TAF1: variants seen among roughly 807,000 people sequenced by gnomAD.
TAF1 encodes the protein transcription initiation factor TFIID subunit 1.
Under a neutral mutation model 138.5 loss-of-function variants are expected in TAF1, and 2 were observed. The observed-to-expected ratio is 0.01, with a 90% CI of 0.01 to 0.05. The LOEUF (loss-of-function observed/expected upper bound fraction) is 0.05, where lower values mean the gene tolerates loss of function less well. TAF1 is among the 10% of genes least tolerant of loss of function. The pLI is 1.00. For missense variants in TAF1, 709 were observed against 1,478.0 expected, an observed-to-expected ratio of 0.48 and a Z score of 8.53; for synonymous variants, 437 against 503.2, an observed-to-expected ratio of 0.87 and a Z score of 1.76.
At chrX:71,494,047 A>G (rs1269210110) in intron 13 of TAF1, among the ~76,000 whole-genome samples, 1 of 111,766 alleles carries the variant, frequency 8.9e-6, no homozygotes, top group Non-Finnish European at 1.9e-5. Context: ...AGCTTGTCCA[A>G]TCCGCAGACC....
At position 71,462,787 on chromosome X, in the gene TAF1, TATC is replaced by T. The variant is rs2038607491; in HGVS notation, c.5400-1031_5400-1029del. On this transcript the variant is annotated intron_variant, in intron 37 of 37. Coordinates refer to ENST00000423759, the MANE Select transcript of TAF1 (RefSeq NM_004606.5). ...TGGTTTGGAGAGAGGCTTATTTATT[TATC>T]ATCATAAATAAAAACATTTAAAAAC... 9.0e-5 allele frequency among the ~76,000 whole-genome samples: 10 copies of T among 111,342 alleles called. No homozygotes were observed. The South Asian group carries it at 3.4e-3, about 38-fold the overall frequency.
downstream of TAF1, among the ~76,000 whole-genome samples, chrX:71,470,340 G>A (rs2038859457): frequency 9.0e-6 from 1 of 110,879 alleles, no homozygotes; most frequent in Non-Finnish European, 1.9e-5. Flanking sequence ...AATGAAAATT[G>A]TTTCAGTAAT....
At chrX:71,523,180 C>CA (rs754302629) in intron 13 of TAF1, among the ~76,000 whole-genome samples, 579 of 15,261 alleles carry the variant, frequency 0.038, 32 homozygotes, top group Non-Finnish European at 0.044. Flanking sequence ...GACTCCCTCT[C>CA]AAAAAAAAAA....
chrX:71,452,605 G>C (rs977121494), intron 32 of TAF1, among the ~76,000 whole-genome samples: 7 of 104,397 alleles, frequency 6.7e-5, no homozygotes, highest in South Asian at 8.7e-4. Context: ...GGGCTCCTCA[G>C]ATCCCAGACG....
Position 71,456,768 on chromosome X carries a change from C to T in TAF1, c.4939-1473C>T, listed in dbSNP as rs761036483. 5.1e-5 allele frequency among the ~76,000 whole-genome samples: 5 copies of T among 98,607 alleles called. No homozygotes were observed. The East Asian group carries it at 9.9e-4, about 20-fold the overall frequency. The allele number at this position is 98,607 out of a possible 115,157, so 85.6% of individuals were successfully genotyped here. On this transcript the variant is annotated intron_variant, in intron 34 of 37. Transcript: ENST00000423759. ...TCGGCTCACTGCAACCTTCGCCTCC[C>T]GGGTTCAAGTGATTCTCCTGCCTCA...
chrX:71,507,308 G>A (rs951704285), intron 13 of TAF1, among the ~76,000 whole-genome samples: 2 of 111,600 alleles, frequency 1.8e-5, no homozygotes, highest in African/African-American at 6.5e-5. Context: ...AGGGCTCACT[G>A]CAGCCTCAGC....
Position 71,389,518 on chromosome X carries a change from T to TA in TAF1, c.2701-57dup, listed in dbSNP as rs151185299. On this transcript the variant is annotated intron_variant, in intron 17 of 37. Transcript: ENST00000423759. ...TTTGGTATTCTGTACTTGTATTCAG[T>TA]AAAAAAAAAACTTGTGCTTTGTGTT... The TA allele has an allele frequency of 0.083, 58,648 of 706,107 alleles. 207 individuals carry two copies. The highest frequency in any genetic ancestry group is 0.095 in the Non-Finnish European group (47,953 of 506,230). 58.2% of individuals were successfully genotyped at this position (706,107 alleles called of 1,213,427 possible).
At chrX:71,518,700 T>C (rs1452723626) in intron 13 of TAF1, among the ~76,000 whole-genome samples, 1 of 95,119 alleles carries the variant, frequency 1.1e-5, no homozygotes. Flanking sequence ...TTCTTTTTTT[T>C]TTTTTTTTTT....
intron 3 of TAF1, among the ~76,000 whole-genome samples, chrX:71,370,902 G>A (rs1602436490): frequency 8.9e-6 from 1 of 112,000 alleles, no homozygotes; most frequent in East Asian, 2.8e-4. Context: ...TGGGGAAGAT[G>A]ATGTGAACAA....
At chrX:71,407,794 G>A in intron 27 of TAF1, 122 bp downstream of exon 27, 1 of 962,809 alleles carries the variant, frequency 1.0e-6, no homozygotes, top group Admixed American at 3.3e-5. Context: ...TTTTTAGGGA[G>A]TTAGTTTTTT....
At chrX:71,436,800 G>T (rs1466309505) in intron 32 of TAF1, among the ~76,000 whole-genome samples, 1 of 111,869 alleles carries the variant, frequency 8.9e-6, no homozygotes, top group East Asian at 2.8e-4. Context: ...TAAATTCCTT[G>T]ACTGTGCTTG....
rs755946671 is a variant in TAF1 at position 71,489,452 on chromosome X, G to A, written c.1366+28649G>A. Among the ~76,000 whole-genome samples the A allele has an allele frequency of 6.7e-4, 74 of 111,049 alleles. 1 individual carries two copies. Among genetic ancestry groups the A allele is most frequent in the Middle Eastern group, 4.7e-3 (1 of 215 alleles). ...GGCACTTTGGGAGACCGAGGCAGGC[G>A]GATCACCCGAGACTGAGAGTTCGAG... On this transcript the variant is annotated intron_variant and NMD_transcript_variant, in intron 13 of 14. Coordinates refer to the TAF1 transcript ENST00000373775.
In TAF1 at chrX:71,441,087, G is replaced by A. The variant is rs184986510; in HGVS notation, c.4754-13083G>A. On this transcript the variant is annotated intron_variant, in intron 32 of 37. Transcript: ENST00000423759. ...GGCTAATTTTTGTATTTTTAATAGA[G>A]ACAGGGTTTCATGATGTTGGCCAGG... Among the ~76,000 whole-genome samples, 17 of 110,714 alleles carry A rather than the reference G, an allele frequency of 1.5e-4. No homozygotes were observed. In the South Asian group the frequency reaches 5.0e-3, roughly 32 times the overall value.
At chrX:71,441,710 C>T (rs933705576) in intron 32 of TAF1, 6 of 281,562 alleles carry the variant, frequency 2.1e-5, no homozygotes, top group Admixed American at 9.4e-5. Flanking sequence ...GGTACATGTG[C>T]ACAACGTGCA....
rs768879381 is a variant in TAF1, at chrX:71,387,456, C to T, written c.2422C>T (p.Leu808=). ...KRANTHIRDF[L]QVFIYRLFWK... is the part of the protein sequence containing the mutation. The stretch of plus-strand genomic sequence containing the variant: ...GGCCAATACGCATATTCGAGACTTT[C>T]TACAGGTAAGAATGGGAGGATAGGG... The change falls in exon 15 of 38, where the codon CTA becomes TTA. Residue 808 remains leucine (L), a synonymous_variant. Coordinates refer to ENST00000423759, the MANE Select transcript of TAF1 (RefSeq NM_004606.5). The T allele has an allele frequency of 8.3e-7, 1 of 1,209,890 alleles. No homozygotes were observed. Among genetic ancestry groups the T allele is most frequent in the African/African-American group, 1.8e-5 (1 of 57,138 alleles).
At chrX:71,483,133 CT>C (rs1318100339) in intron 13 of TAF1, among the ~76,000 whole-genome samples, 81 of 91,088 alleles carry the variant, frequency 8.9e-4, no homozygotes, top group East Asian at 2.1e-3. Flanking sequence ...CCATGACTGG[CT>C]TTTTTTTTTT....
rs199965187 is a variant in TAF1, at chrX:71,401,751, C to T, written c.3998+12C>T. The T allele has an allele frequency of 1.7e-6, 2 of 1,202,527 alleles. No individual in the cohort carries two copies. The highest frequency in any genetic ancestry group is 1.1e-6 in the Non-Finnish European group (1 of 888,849). ...CAGCTAATTGAGAGGTAAGAGATAC[C>T]AGGCAGGAAGTGCTATGGGACAGAT... On this transcript the variant is annotated intron_variant, in intron 25 of 37. Transcript: ENST00000423759.
At position 71,374,504 on chromosome X, in the gene TAF1, TCA is replaced by T. The variant is rs779744543; in HGVS notation, c.353-659_353-658del. Among the ~76,000 whole-genome samples, 53 of 112,069 alleles carry T rather than the reference TCA, an allele frequency of 4.7e-4. No individual in the cohort carries two copies. The East Asian group carries it at 6.0e-3, about 13-fold the overall frequency. On this transcript the variant is annotated intron_variant, in intron 3 of 37. Coordinates refer to ENST00000423759, the MANE Select transcript of TAF1 (RefSeq NM_004606.5). ...TATTTTGAGGCATGGTCTTGCTCTG[TCA>T]CACGATTACTGCTCATCAAAGCCTT... is the stretch of plus-strand genomic sequence containing the variant.
At chrX:71,394,717 C>T (rs1230751629) in intron 22 of TAF1, among the ~76,000 whole-genome samples, 1 of 112,029 alleles carries the variant, frequency 8.9e-6, no homozygotes, top group South Asian at 3.7e-4. Context: ...CTGCAGCCCC[C>T]GCCTCCCAGG....
Sources: allele counts gnomAD v4.1 joint callset (sites outside exome capture counted in the v4.1 genomes callset), GRCh38; gene constraint gnomAD v4.1.1; transcripts MANE v1.5; gene names NCBI Gene and HGNC (gene_info 2026-07-23, HGNC 2026-07-21).